Variants in CERS6 observed in about 807,000 individuals in gnomAD.
CERS6 encodes the protein ceramide synthase 6.
A neutral mutation model predicts 56.8 loss-of-function variants in CERS6; 26 were observed. That is an observed-to-expected ratio of 0.46 (90% CI 0.34 to 0.63). The LOEUF is 0.63. Ranked by LOEUF, CERS6 falls within the 30% of genes least tolerant of loss-of-function variation. The pLI is 0.01. For synonymous variants in CERS6, 164 were observed against 173.3 expected (o/e 0.95, Z 0.42); for missense variants, 415 against 467.5 (o/e 0.89, Z 1.04).
chr2:168,765,405 G>A (rs1292674287), intron 8 of CERS6, among the ~76,000 whole-genome samples, 187 bp from the exon 9 acceptor site: 1 of 152,208 alleles, frequency 6.6e-6, no homozygotes, highest in Non-Finnish European at 1.5e-5. Flanking sequence ...CCAAATGAAA[G>A]TCACACCATC....
chr2:168,714,334 T>C (rs1687173395), intron 6 of CERS6, among the ~76,000 whole-genome samples: 1 of 152,192 alleles, frequency 6.6e-6, no homozygotes. Context: ...TATCAACCCT[T>C]CTGTAGGCAG....
chr2:168,631,888 A>G (rs1040396077), intron 4 of CERS6, among the ~76,000 whole-genome samples: 3 of 139,112 alleles, frequency 2.2e-5, no homozygotes, highest in African/African-American at 5.3e-5. Flanking sequence ...ATATAATTAT[A>G]TATTACATAT....
intron 1 of CERS6, among the ~76,000 whole-genome samples, chr2:168,519,632 A>G (rs1350634010): frequency 6.6e-6 from 1 of 152,142 alleles, no homozygotes; most frequent in African/African-American, 2.4e-5. Context: ...GAGAACATGC[A>G]GTATTTGGTT....
chr2:168,594,462 G>T (rs1199352954), intron 3 of CERS6, among the ~76,000 whole-genome samples: 1 of 152,168 alleles, frequency 6.6e-6, no homozygotes, highest in Non-Finnish European at 1.5e-5. Context: ...GCATGTGCCT[G>T]TGGTCCCAGT....
At chr2:168,531,690 A>G (rs1228670412) in intron 1 of CERS6, among the ~76,000 whole-genome samples, 1 of 152,034 alleles carries the variant, frequency 6.6e-6, no homozygotes, top group Non-Finnish European at 1.5e-5. Context: ...GCGTGGTGGC[A>G]GGTGCCTATA....
chr2:168,457,521 A>C (rs1049705882), intron 1 of CERS6, among the ~76,000 whole-genome samples: 3 of 152,208 alleles, frequency 2.0e-5, no homozygotes, highest in African/African-American at 7.2e-5. Flanking sequence ...CTACTGAAAG[A>C]AAACCAGGAC....
intron 1 of CERS6, among the ~76,000 whole-genome samples, chr2:168,534,197 C>T (rs539257384): frequency 2.6e-5 from 4 of 152,116 alleles, no homozygotes; most frequent in South Asian, 2.1e-4. Flanking sequence ...TTTTATTACC[C>T]GTCTTCTGAA....
intron 1 of CERS6, among the ~76,000 whole-genome samples, chr2:168,500,071 C>A (rs1490648354): frequency 6.6e-6 from 1 of 152,082 alleles, no homozygotes; most frequent in Non-Finnish European, 1.5e-5. Flanking sequence ...GTGATACCCC[C>A]AAGAGTATGT....
chr2:168,604,725 G>A (rs572408062), intron 3 of CERS6, among the ~76,000 whole-genome samples: 3 of 152,076 alleles, frequency 2.0e-5, no homozygotes, highest in Non-Finnish European at 4.4e-5. Flanking sequence ...CTTTGGCCAC[G>A]TAAGATGTGC....
chr2:168,618,381 A>C (rs562264679), intron 3 of CERS6, among the ~76,000 whole-genome samples: 48 of 152,320 alleles, frequency 3.2e-4, no homozygotes, highest in African/African-American at 9.9e-4. Flanking sequence ...TCCAAGCCAG[A>C]GCCATCAGAC....
intron 4 of CERS6, among the ~76,000 whole-genome samples, chr2:168,666,471 G>T (rs1685765448): frequency 6.6e-6 from 1 of 152,160 alleles, no homozygotes; most frequent in Non-Finnish European, 1.5e-5. Context: ...CTTCTTCCAT[G>T]TCTGTTTTGT....
At position 168,613,929 on chromosome 2, in the gene CERS6, C is replaced by G. The variant is rs1285627937; in HGVS notation, c.408-17056C>G. On this transcript the variant is annotated intron_variant, in intron 3 of 9. Transcript: ENST00000305747. ...ATGTGTGAGCAACTCACAACTCTTGCAATCAGCATGCAGCTCATATGGCAT... is the reference window on the plus strand; with the variant it reads ...ATGTGTGAGCAACTCACAACTCTTGGAATCAGCATGCAGCTCATATGGCAT... Among the ~76,000 whole-genome samples, 6 of 152,212 alleles carry G rather than the reference C, an allele frequency of 3.9e-5. No individual in the cohort carries two copies. In the East Asian group the frequency reaches 7.7e-4, roughly 20 times the overall value.
intron 4 of CERS6, among the ~76,000 whole-genome samples, chr2:168,659,719 C>T (rs1685580146): frequency 6.6e-6 from 1 of 151,846 alleles, no homozygotes; most frequent in South Asian, 2.1e-4. Flanking sequence ...ATCACCTAAG[C>T]CATGAACTCT....
chr2:168,651,357 G>T (rs1200274968), intron 4 of CERS6, among the ~76,000 whole-genome samples: 1 of 152,142 alleles, frequency 6.6e-6, no homozygotes, highest in Non-Finnish European at 1.5e-5. Context: ...CATGTTAACT[G>T]TATCCTCTGT....
intron 1 of CERS6, among the ~76,000 whole-genome samples, chr2:168,499,152 C>G (rs2105343842): frequency 1.3e-5 from 2 of 152,200 alleles, no homozygotes; most frequent in South Asian, 4.1e-4. Context: ...GATGGGACCC[C>G]TATGGTCAAG....
At chr2:168,560,770 G>GC (rs1191096396) in intron 2 of CERS6, among the ~76,000 whole-genome samples, 11 of 152,090 alleles carry the variant, frequency 7.2e-5, no homozygotes, top group Non-Finnish European at 1.6e-4. Flanking sequence ...TGATTGGGTA[G>GC]CATTTGTTGT....
At chr2:168,496,708 T>A (rs1249058104) in intron 1 of CERS6, among the ~76,000 whole-genome samples, 2 of 152,200 alleles carry the variant, frequency 1.3e-5, no homozygotes, top group Non-Finnish European at 2.9e-5. Context: ...AGTACTTATA[T>A]TATGTTGCTC....
At chr2:168,661,078 A>G (rs759638022) in intron 4 of CERS6, among the ~76,000 whole-genome samples, 10 of 152,156 alleles carry the variant, frequency 6.6e-5, no homozygotes, top group Non-Finnish European at 1.5e-4. Context: ...GTTCATACAC[A>G]GCCTGGACAA....
intron 9 of CERS6, 146 bp downstream of exon 9, chr2:168,765,894 A>G (rs1383590993): frequency 2.8e-6 from 2 of 724,768 alleles, no homozygotes; most frequent in Non-Finnish European, 4.4e-6. Context: ...TTCCTTTTCT[A>G]GTTCATTTTT....
Sources: allele counts gnomAD v4.1 joint callset (sites outside exome capture counted in the v4.1 genomes callset), GRCh38; gene constraint gnomAD v4.1.1; transcripts MANE v1.5; gene names NCBI Gene and HGNC (gene_info 2026-07-23, HGNC 2026-07-21).